LRRN1: variants seen among roughly 807,000 people sequenced by gnomAD.
The protein encoded by LRRN1 is leucine-rich repeat neuronal protein 1.
In LRRN1, 14 loss-of-function variants were observed where a neutral mutation model predicts 45.8. The ratio of observed to expected loss-of-function variants is 0.31; its 90% confidence interval spans 0.20 to 0.48. The LOEUF is 0.48. Among genes scored for constraint, LRRN1 ranks in the 20% least tolerant of loss-of-function variants. LRRN1 has a pLI of 0.99. For synonymous variants in LRRN1, 359 were observed against 330.1 expected (o/e 1.09, Z -0.95); for missense variants, 789 against 874.2 (o/e 0.90, Z 1.23).
At chr3:3,826,366 A>G (rs1306785677) in intron 1 of LRRN1, among the ~76,000 whole-genome samples, 3 of 152,174 alleles carry the variant, frequency 2.0e-5, no homozygotes, top group Admixed American at 1.3e-4. Flanking sequence ...GGTAAGAAAA[A>G]TAAAATAGGA....
At chr3:3,828,530 C>T (rs1693281307) in intron 1 of LRRN1, among the ~76,000 whole-genome samples, 1 of 152,026 alleles carries the variant, frequency 6.6e-6, no homozygotes, top group Non-Finnish European at 1.5e-5. Context: ...ATCCCTCAAT[C>T]CAATCAAGTT....
chr3:3,807,366 T>C (rs557221173), intron 1 of LRRN1, among the ~76,000 whole-genome samples: 54 of 152,206 alleles, frequency 3.5e-4, no homozygotes, highest in Non-Finnish European at 7.2e-4. Flanking sequence ...TTTCATTGAT[T>C]TTTGTTTTTT....
Position 3,819,160 on chromosome 3 carries a change from G to T in LRRN1, c.-279+19241G>T, listed in dbSNP as rs563317016. 8.6e-5 allele frequency among the ~76,000 whole-genome samples: 13 copies of T among 152,028 alleles called. No individual in the cohort carries two copies. The East Asian group carries it at 2.3e-3, about 27-fold the overall frequency. On this transcript the variant is annotated intron_variant, in intron 1 of 1. Transcript: ENST00000319331. ...ACACCGCCATGCCTGGCTAATTTTT[G>T]TATTTTTTGTAGGGATGGGATCTCG...
At chr3:3,839,838 C>A (rs1435464311) in intron 1 of LRRN1, among the ~76,000 whole-genome samples, 1 of 152,056 alleles carries the variant, frequency 6.6e-6, no homozygotes, top group Non-Finnish European at 1.5e-5. Context: ...TTGTATCCTG[C>A]AAATTTGCTA....
intron 1 of LRRN1, among the ~76,000 whole-genome samples, chr3:3,821,005 G>A (rs1444006060): frequency 6.6e-6 from 1 of 152,128 alleles, no homozygotes; most frequent in Non-Finnish European, 1.5e-5. Context: ...GACTAAGGCT[G>A]GAATCTTTTT....
At chr3:3,802,929 G>A (rs1287908027) in intron 1 of LRRN1, among the ~76,000 whole-genome samples, 1 of 152,134 alleles carries the variant, frequency 6.6e-6, no homozygotes, top group Non-Finnish European at 1.5e-5. Context: ...TCGTTATTCT[G>A]CAAGTCTAAT....
chr3:3,800,786 T>C (rs1332617154), intron 1 of LRRN1: 6 of 152,890 alleles, frequency 3.9e-5, no homozygotes, highest in Non-Finnish European at 8.7e-5. Flanking sequence ...CCTCAGGACG[T>C]TTGCCAGGTG....
rs117101924 is a variant in LRRN1, at chr3:3,810,539, G to T, written c.-279+10620G>T. On this transcript the variant is annotated intron_variant, in intron 1 of 1. Transcript: ENST00000319331. ...AGTTTAACCACAAATCTTTCTGGAA[G>T]CAAGAGAAAGTCACCAGGTATGCTG... Among the ~76,000 whole-genome samples, 47 of 152,294 alleles carry T rather than the reference G, an allele frequency of 3.1e-4. 2 individuals are homozygous for T. In the East Asian group the frequency reaches 6.4e-3, roughly 21 times the overall value.
intron 1 of LRRN1, among the ~76,000 whole-genome samples, chr3:3,837,070 C>T (rs1693535834): frequency 6.6e-6 from 1 of 152,112 alleles, no homozygotes; most frequent in African/African-American, 2.4e-5. Context: ...CAGGAAACCT[C>T]ACTTTCCTTT....
intron 1 of LRRN1, among the ~76,000 whole-genome samples, chr3:3,821,485 T>C (rs1693104471): frequency 6.6e-6 from 1 of 152,172 alleles, no homozygotes; most frequent in Non-Finnish European, 1.5e-5. Context: ...ACTTGTGTAC[T>C]TGTCTTATAC....
chr3:3,829,764 G>A (rs1405480449), intron 1 of LRRN1, among the ~76,000 whole-genome samples: 1 of 152,162 alleles, frequency 6.6e-6, no homozygotes, highest in Non-Finnish European at 1.5e-5. Flanking sequence ...CCATGATGGT[G>A]GATAAGGCTT....
intron 1 of LRRN1, among the ~76,000 whole-genome samples, chr3:3,810,586 A>C (rs188404147): frequency 2.0e-5 from 3 of 152,338 alleles, no homozygotes; most frequent in Admixed American, 1.3e-4. Context: ...GCACACCTGT[A>C]GTCCCAGTTA....
At position 3,845,122 on chromosome 3, in the gene LRRN1, C is replaced by T. The variant is rs185651454; in HGVS notation, c.481C>T (p.His161Tyr). ...NHNQISTISA[H>Y]AFAGLKNLLR... ...CAACCAAATTAGCACTATTTCTGCTCATGCTTTTGCAGGCTTAAAAAATCT... is the reference window on the plus strand; with the variant it reads ...CAACCAAATTAGCACTATTTCTGCTTATGCTTTTGCAGGCTTAAAAAATCT... The change falls in exon 2 of 2, where the codon CAT becomes TAT. Residue 161 changes from histidine to tyrosine, a missense_variant. By Grantham distance (83) the His-to-Tyr change is moderately conservative (BLOSUM62 2). Transcript: ENST00000319331. The surrounding 1 kb of genome is among the most constrained non-coding windows in gnomAD (Gnocchi z 6.5). The T allele has an allele frequency of 3.1e-6, 5 of 1,614,170 alleles. No homozygotes were observed. The highest frequency in any genetic ancestry group is 3.4e-6 in the Non-Finnish European group (4 of 1,180,020).
chr3:3,833,144 A>G (rs923085082), intron 1 of LRRN1, among the ~76,000 whole-genome samples: 1 of 152,122 alleles, frequency 6.6e-6, no homozygotes, highest in African/African-American at 2.4e-5. Context: ...TCACAAATCT[A>G]TTTTGCAGGG....
chr3:3,813,940 T>C (rs1692934060), intron 1 of LRRN1, among the ~76,000 whole-genome samples: 1 of 152,040 alleles, frequency 6.6e-6, no homozygotes, highest in South Asian at 2.1e-4. Flanking sequence ...CTGGCCCTTA[T>C]CTTGTTTTGA....
At chr3:3,823,067 A>ACTGT (rs1316003080) in intron 1 of LRRN1, among the ~76,000 whole-genome samples, 2 of 152,170 alleles carry the variant, frequency 1.3e-5, no homozygotes, top group Non-Finnish European at 2.9e-5. Context: ...GAACAGATGA[A>ACTGT]CTGTCCCAGG....
chr3:3,799,895 A>G lies in LRRN1; in HGVS notation c.-303A>G, dbSNP rs530158165. ...GGGTGCCGGGTCCGCGCGCACCCCAACACCCCCACCAGCTGGGCCTCGGGG... is the reference window on the plus strand; with the variant it reads ...GGGTGCCGGGTCCGCGCGCACCCCAGCACCCCCACCAGCTGGGCCTCGGGG... On this transcript the variant is annotated 5_prime_UTR_variant, in exon 1 of 2. Transcript: ENST00000319331. 1.9e-4 allele frequency: 31 copies of G among 159,772 alleles called. No individual in the cohort carries two copies. The highest frequency in any genetic ancestry group is 1.9e-3 in the East Asian group (10 of 5,346). 9.9% of individuals were successfully genotyped at this position (159,772 alleles called of 1,614,324 possible).
intron 1 of LRRN1, among the ~76,000 whole-genome samples, chr3:3,835,649 A>G (rs935013008): frequency 7.1e-6 from 1 of 141,360 alleles, no homozygotes; most frequent in African/African-American, 2.7e-5. Flanking sequence ...GTGAGTATAT[A>G]TTTCTTTTTG....
At chr3:3,812,836 T>G (rs767578434) in intron 1 of LRRN1, among the ~76,000 whole-genome samples, 4 of 143,246 alleles carry the variant, frequency 2.8e-5, no homozygotes, top group African/African-American at 5.4e-5. Context: ...AAAAAAAAGA[T>G]GTAGCACCAC....
Sources: allele counts gnomAD v4.1 joint callset (sites outside exome capture counted in the v4.1 genomes callset), GRCh38; gene constraint gnomAD v4.1.1; non-coding constraint Gnocchi (gnomAD v3.1); transcripts MANE v1.5; gene names NCBI Gene and HGNC (gene_info 2026-07-23, HGNC 2026-07-21).